PCBP3: variants seen among roughly 807,000 people sequenced by gnomAD.
PCBP3 encodes the protein poly(rC)-binding protein 3.
In PCBP3, 25 loss-of-function variants were observed where a neutral mutation model predicts 52.7. That is an observed-to-expected ratio of 0.47 (90% CI 0.35 to 0.66). The LOEUF (loss-of-function observed/expected upper bound fraction) is 0.66, where lower values mean the gene tolerates loss of function less well. PCBP3 is among the 30% of genes least tolerant of loss of function. The pLI is 0.01. For missense variants in PCBP3, 391 were observed against 490.3 expected (o/e 0.80, Z 1.91); for synonymous variants, 162 against 183.0 (o/e 0.89, Z 0.93).
intron 9 of PCBP3, among the ~76,000 whole-genome samples, chr21:45,906,985 G>A (rs988406045): frequency 1.3e-5 from 2 of 152,248 alleles, no homozygotes; most frequent in Non-Finnish European, 2.9e-5. Flanking sequence ...AAGAGCCGCA[G>A]TGGCCACCAG....
intron 4 of PCBP3, among the ~76,000 whole-genome samples, chr21:45,758,134 C>T (rs1223961356): frequency 1.3e-5 from 2 of 152,214 alleles, no homozygotes; most frequent in Non-Finnish European, 2.9e-5. Flanking sequence ...GGCAATCTGC[C>T]CGCCTTGGCC....
At chr21:45,815,609 GGTGAGTA>G (rs2092900849) in intron 4 of PCBP3, among the ~76,000 whole-genome samples, 2 of 81,884 alleles carry the variant, frequency 2.4e-5, no homozygotes, top group Non-Finnish European at 2.4e-5. Context: ...ATGAGTGAGT[GGTGAGTA>G]GTGAGTGATG....
intron 1 of PCBP3, among the ~76,000 whole-genome samples, chr21:45,646,107 C>CTCTCTCTGTGTGTGTGTG (rs1555895746): frequency 8.4e-5 from 7 of 83,780 alleles, no homozygotes; most frequent in Admixed American, 1.5e-4. Context: ...CTCTCTCTCT[C>CTCTCTCTGTGTGTGTGTG]TGTGTGTGTG....
intron 5 of PCBP3, among the ~76,000 whole-genome samples, chr21:45,895,430 G>A (rs1462992221): frequency 6.6e-6 from 1 of 152,176 alleles, no homozygotes; most frequent in Non-Finnish European, 1.5e-5. Flanking sequence ...GGATGAGGCT[G>A]ACTCTGCAGA....
intron 4 of PCBP3, among the ~76,000 whole-genome samples, chr21:45,757,890 CTTT>C (rs35441018): frequency 6.3e-5 from 9 of 143,788 alleles, no homozygotes; most frequent in Non-Finnish European, 6.1e-5. Context: ...TATATATATT[CTTT>C]TTTTTTTTTT....
At chr21:45,776,191 T>A (rs537896746) in intron 4 of PCBP3, among the ~76,000 whole-genome samples, 29 of 152,344 alleles carry the variant, frequency 1.9e-4, no homozygotes, top group African/African-American at 7.0e-4. Flanking sequence ...AGTTGATATA[T>A]GATTTTTAAA....
At position 45,917,597 on chromosome 21, in the gene PCBP3, A is replaced by G; in HGVS notation, c.685A>G (p.Ile229Val). ...VIFAGGQAYT[I>V]QGQYAIPHPD... is the part of the protein sequence containing the mutation. ...CTCTCTCTCTCTCTAGGCCTACACAATCCAGGGACAGTATGCCATCCCTCA... is the reference window on the plus strand; with the variant it reads ...CTCTCTCTCTCTCTAGGCCTACACAGTCCAGGGACAGTATGCCATCCCTCA... The change falls in exon 13 of 18, where the codon ATC becomes GTC. Residue 229 changes from isoleucine (I) to valine (V), a missense_variant. Ile to Val is a conservative substitution (Grantham distance 29, BLOSUM62 3). Coordinates refer to ENST00000681687, the MANE Select transcript of PCBP3 (RefSeq NM_001384156.1). The surrounding 1 kb of genome is among the most constrained non-coding windows in gnomAD (Gnocchi z 5.3). 2 of 1,612,970 alleles carry G rather than the reference A, an allele frequency of 1.2e-6. No individual in the cohort carries two copies. The highest frequency in any genetic ancestry group is 1.7e-6 in the Non-Finnish European group (2 of 1,179,288).
chr21:45,922,783 CGAG>C (rs1356135860), intron 13 of PCBP3, among the ~76,000 whole-genome samples: 1 of 152,192 alleles, frequency 6.6e-6, no homozygotes, highest in Admixed American at 6.5e-5. Context: ...GTTCCACACA[CGAG>C]GAAGTGGAAG....
At chr21:45,695,956 G>A (rs1433639772) in intron 2 of PCBP3, among the ~76,000 whole-genome samples, 1 of 151,880 alleles carries the variant, frequency 6.6e-6, no homozygotes, top group Admixed American at 6.6e-5. Flanking sequence ...GCACACACCT[G>A]TAATTCCAGC....
chr21:45,920,050 G>GC (rs938449867), intron 13 of PCBP3, among the ~76,000 whole-genome samples: 7 of 152,152 alleles, frequency 4.6e-5, no homozygotes, highest in African/African-American at 1.2e-4. Flanking sequence ...GGTTCCAAAG[G>GC]GGGGGTCACT....
At chr21:45,936,356 CCTT>C (rs1256868652) in intron 16 of PCBP3, among the ~76,000 whole-genome samples, 1 of 152,228 alleles carries the variant, frequency 6.6e-6, no homozygotes, top group Admixed American at 6.5e-5. Context: ...GCACTCTAGG[CCTT>C]CTTCTATCCC....
At chr21:45,701,434 G>A (rs2083118954) in intron 2 of PCBP3, among the ~76,000 whole-genome samples, 2 of 152,082 alleles carry the variant, frequency 1.3e-5, no homozygotes, top group Admixed American at 6.6e-5. Context: ...CTTAAGTTGG[G>A]TTCTATCTAT....
intron 2 of PCBP3, among the ~76,000 whole-genome samples, chr21:45,702,662 G>A (rs1185122015): frequency 6.6e-6 from 1 of 152,196 alleles, no homozygotes; most frequent in Non-Finnish European, 1.5e-5. Context: ...AGTCTTACCT[G>A]GATGTTAATG....
chr21:45,711,926 C>T (rs1390668480), intron 2 of PCBP3, among the ~76,000 whole-genome samples: 1 of 152,204 alleles, frequency 6.6e-6, no homozygotes, highest in East Asian at 1.9e-4. Flanking sequence ...TGTGCTTCAT[C>T]TCTTTATCTC....
chr21:45,828,654 G>A (rs1224056358), intron 4 of PCBP3: 1 of 152,746 alleles, frequency 6.5e-6, no homozygotes. Context: ...CATGAAAGGC[G>A]GATGGTAAAT....
intron 1 of PCBP3, among the ~76,000 whole-genome samples, chr21:45,646,103 CTCTCTGTGTGTGTGTGTG>C (rs1329564727): frequency 5.2e-5 from 4 of 76,930 alleles, no homozygotes; most frequent in Admixed American, 1.6e-4. Context: ...CTCTCTCTCT[CTCTCTGTGTGTGTGTGTG>C]TGTGTGTGTG....
chr21:45,898,602 C>T (rs1464047605), intron 6 of PCBP3, among the ~76,000 whole-genome samples: 2 of 135,910 alleles, frequency 1.5e-5, no homozygotes, highest in African/African-American at 2.6e-5. Context: ...TCCACGGGCC[C>T]CTCTACACAC....
intron 13 of PCBP3, among the ~76,000 whole-genome samples, chr21:45,925,084 C>T (rs113313718): frequency 1.6e-3 from 118 of 75,996 alleles, no homozygotes; most frequent in African/African-American, 9.9e-3. Context: ...TGAGGAGATG[C>T]GAACACCGGG....
rs57312598 is a variant in PCBP3 at position 45,908,319 on chromosome 21, C to T, written c.340-1036C>T. 2.8e-3 allele frequency among the ~76,000 whole-genome samples: 433 copies of T among 152,222 alleles called. 5 individuals carry two copies. In the East Asian group the frequency reaches 0.043, roughly 15 times the overall value. On this transcript the variant is annotated intron_variant, in intron 9 of 17. Transcript: ENST00000681687. ...GTGCCTGTGCCTCAGGTCCCTAACC[C>T]GACACCTTGACACACAGAGCCTCTC...
Sources: gnomAD v4.1 joint callset for allele counts (sites outside exome capture counted in the v4.1 genomes callset) on GRCh38, gnomAD v4.1.1 for gene constraint, Gnocchi (gnomAD v3.1) non-coding constraint, MANE v1.5 for transcripts, NCBI Gene and HGNC (gene_info 2026-07-23, HGNC 2026-07-21) for gene names.